Variants in GNAL observed in about 807,000 individuals in gnomAD.
GNAL encodes guanine nucleotide-binding protein G(olf) subunit alpha.
Under a neutral mutation model 55.1 loss-of-function variants are expected in GNAL, and 18 were observed. The observed-to-expected ratio is 0.33, with a 90% CI of 0.23 to 0.48. The LOEUF is 0.48. Among genes scored for constraint, GNAL ranks in the 20% least tolerant of loss-of-function variants. GNAL has a pLI of 0.99. For missense variants in GNAL, 412 were observed against 614.1 expected (o/e 0.67, Z 3.48); for synonymous variants, 253 against 237.0 (o/e 1.07, Z -0.62).
At chr18:11,867,067 G>A in intron 7 of GNAL, 101 bp from the exon 8 acceptor site, 1 of 881,162 alleles carries the variant, frequency 1.1e-6, no homozygotes, top group Admixed American at 1.8e-5. Flanking sequence ...AGACCCATGT[G>A]TGAACGCTGG....
chr18:11,816,615 G>A (rs1256193599), intron 4 of GNAL, among the ~76,000 whole-genome samples: 1 of 151,742 alleles, frequency 6.6e-6, no homozygotes, highest in Non-Finnish European at 1.5e-5. Context: ...TTTTAAAAAG[G>A]CCAGCCTGGC....
intron 5 of GNAL, among the ~76,000 whole-genome samples, chr18:11,828,038 T>C (rs1444709788): frequency 1.3e-5 from 2 of 152,276 alleles, no homozygotes; most frequent in East Asian, 3.9e-4. Context: ...CCCTTGAGTT[T>C]ACATTTGTGA....
At chr18:11,835,467 GA>G (rs539787769) in intron 5 of GNAL, among the ~76,000 whole-genome samples, 63 of 136,220 alleles carry the variant, frequency 4.6e-4, no homozygotes, top group South Asian at 9.4e-4. Flanking sequence ...TCTCTAAAAA[GA>G]AAAAAAAAAG....
At chr18:11,853,684 A>G (rs2035935578) in intron 5 of GNAL, 1 of 167,032 alleles carries the variant, frequency 6.0e-6, no homozygotes, top group African/African-American at 2.4e-5. Context: ...AAGTTATTTT[A>G]TATTTGACTG....
chr18:11,829,357 A>G (rs565946902), intron 5 of GNAL, among the ~76,000 whole-genome samples: 1 of 152,340 alleles, frequency 6.6e-6, no homozygotes, highest in African/African-American at 2.4e-5. Context: ...CCTAATAACT[A>G]TCTTGTTTTT....
chr18:11,823,198 G>T (rs2143641132), intron 4 of GNAL, among the ~76,000 whole-genome samples: 1 of 152,208 alleles, frequency 6.6e-6, no homozygotes, highest in South Asian at 2.1e-4. Flanking sequence ...GCTCTTCGAA[G>T]GAAATCTTTT....
intron 4 of GNAL, among the ~76,000 whole-genome samples, chr18:11,820,916 A>G (rs2035074070): frequency 6.6e-6 from 1 of 152,246 alleles, no homozygotes; most frequent in Admixed American, 6.5e-5. Flanking sequence ...TGCTATCAAC[A>G]CATGCTCCAG....
At chr18:11,824,159 C>T (rs1223742106) in intron 4 of GNAL, among the ~76,000 whole-genome samples, 1 of 151,672 alleles carries the variant, frequency 6.6e-6, no homozygotes, top group Non-Finnish European at 1.5e-5. Context: ...TCCATCTACT[C>T]AACCATGTCC....
At chr18:11,869,319 A>G (rs1439895219) in intron 9 of GNAL, among the ~76,000 whole-genome samples, 1 of 151,706 alleles carries the variant, frequency 6.6e-6, no homozygotes, top group Non-Finnish European at 1.5e-5. Flanking sequence ...AATATTTTGT[A>G]TTTTTAGTAG....
intron 4 of GNAL, among the ~76,000 whole-genome samples, chr18:11,775,154 T>C (rs2033745596): frequency 6.6e-6 from 1 of 152,246 alleles, no homozygotes; most frequent in African/African-American, 2.4e-5. Flanking sequence ...GGAATTACTC[T>C]GTGGCATTTC....
chr18:11,757,722 A>G (rs2033105192), intron 4 of GNAL, among the ~76,000 whole-genome samples: 1 of 152,126 alleles, frequency 6.6e-6, no homozygotes, highest in African/African-American at 2.4e-5. Context: ...GGAGATGACT[A>G]TTACGACATC....
chr18:11,701,522 C>T (rs981019977), intron 1 of GNAL, among the ~76,000 whole-genome samples: 2 of 142,140 alleles, frequency 1.4e-5, no homozygotes, highest in Non-Finnish European at 3.0e-5. Context: ...GCCAAGAGTG[C>T]GTCGTTCCAC....
At chr18:11,824,485 C>G (rs988122276) in intron 4 of GNAL, among the ~76,000 whole-genome samples, 2 of 151,860 alleles carry the variant, frequency 1.3e-5, no homozygotes, top group African/African-American at 4.8e-5. Flanking sequence ...GTCAGGAGTT[C>G]GAGACCAGCC....
At chr18:11,811,690 C>G (rs1332432502) in intron 4 of GNAL, among the ~76,000 whole-genome samples, 1 of 152,192 alleles carries the variant, frequency 6.6e-6, no homozygotes. Context: ...AAGAATATAG[C>G]AAGCCCACCT....
chr18:11,812,577 C>T (rs1171431176), intron 4 of GNAL, among the ~76,000 whole-genome samples: 5 of 152,238 alleles, frequency 3.3e-5, no homozygotes, highest in South Asian at 2.1e-4. Context: ...GGCACGGTGG[C>T]TCACGCCTGT....
intron 4 of GNAL, among the ~76,000 whole-genome samples, chr18:11,759,165 T>C (rs1451302300): frequency 6.7e-6 from 1 of 149,348 alleles, no homozygotes; most frequent in Non-Finnish European, 1.5e-5. Context: ...AGAGCGAGAC[T>C]CCGTCTCAAA....
At chr18:11,760,772 G>C (rs1428752409) in intron 4 of GNAL, among the ~76,000 whole-genome samples, 1 of 152,146 alleles carries the variant, frequency 6.6e-6, no homozygotes, top group African/African-American at 2.4e-5. Flanking sequence ...CATGGTGTTT[G>C]TATCTTGAAA....
At chr18:11,774,174 G>A (rs1044969379) in intron 4 of GNAL, among the ~76,000 whole-genome samples, 1 of 152,120 alleles carries the variant, frequency 6.6e-6, no homozygotes, top group African/African-American at 2.4e-5. Flanking sequence ...AGACGTTGCC[G>A]AGTGCTGAAG....
intron 11 of GNAL, among the ~76,000 whole-genome samples, chr18:11,878,463 AAAAC>A (rs2036583136): frequency 6.6e-6 from 1 of 152,200 alleles, no homozygotes; most frequent in South Asian, 2.1e-4. Flanking sequence ...AATAAAAACA[AAAAC>A]AAAACTATTT....
Sources: allele counts gnomAD v4.1 joint callset (sites outside exome capture counted in the v4.1 genomes callset), GRCh38; gene constraint gnomAD v4.1.1; transcripts MANE v1.5; gene names NCBI Gene and HGNC (gene_info 2026-07-23, HGNC 2026-07-21).